Variants in GABRG3 observed in about 807,000 individuals in gnomAD.
GABRG3 encodes gamma-aminobutyric acid receptor subunit gamma-3.
Under a neutral mutation model 48.8 loss-of-function variants are expected in GABRG3, and 25 were observed. The observed-to-expected ratio is 0.51, with a 90% confidence interval of 0.37 to 0.72. The LOEUF (loss-of-function observed/expected upper bound fraction) is 0.72, where lower values mean the gene tolerates loss of function less well. Ranked by LOEUF, GABRG3 falls within the 30% of genes least tolerant of loss-of-function variation. The pLI is 0.00. For missense variants in GABRG3, 394 were observed against 577.9 expected (o/e 0.68, Z 3.26); for synonymous variants, 227 against 217.6 (o/e 1.04, Z -0.38).
At chr15:27,370,681 CA>C (rs1157505329) in intron 5 of GABRG3, among the ~76,000 whole-genome samples, 2 of 152,196 alleles carry the variant, frequency 1.3e-5, no homozygotes, top group African/African-American at 4.8e-5. Context: ...TTTTCCCCAT[CA>C]GTTACATTTC....
At chr15:27,436,794 TG>T (rs1191161307) in intron 5 of GABRG3, among the ~76,000 whole-genome samples, 1 of 151,852 alleles carries the variant, frequency 6.6e-6, no homozygotes, top group Admixed American at 6.6e-5. Context: ...GTGCAAGGGA[TG>T]GCAAGAAAAG....
At chr15:26,997,747 G>C (rs1212084669) in intron 2 of GABRG3, among the ~76,000 whole-genome samples, 1 of 152,150 alleles carries the variant, frequency 6.6e-6, no homozygotes. Context: ...GTGTGTCTTT[G>C]AGTTTGTTAT....
At chr15:27,212,261 A>G (rs1353393471) in intron 3 of GABRG3, among the ~76,000 whole-genome samples, 1 of 152,236 alleles carries the variant, frequency 6.6e-6, no homozygotes, top group African/African-American at 2.4e-5. Context: ...ACTGACAGGG[A>G]CTCAGGAATC....
intron 3 of GABRG3, among the ~76,000 whole-genome samples, chr15:27,078,466 A>T (rs771997112): frequency 1.9e-4 from 29 of 152,246 alleles, no homozygotes; most frequent in Middle Eastern, 3.4e-3. Flanking sequence ...CTATGGAAAA[A>T]TTTCTTTTTA....
intron 5 of GABRG3, among the ~76,000 whole-genome samples, chr15:27,452,861 C>CAT (rs1337919619): frequency 6.6e-6 from 1 of 152,144 alleles, no homozygotes; most frequent in Non-Finnish European, 1.5e-5. Context: ...ATTGCAGCAG[C>CAT]ATTATTCACA....
chr15:27,440,039 G>C (rs1195798364), intron 5 of GABRG3, among the ~76,000 whole-genome samples: 1 of 152,058 alleles, frequency 6.6e-6, no homozygotes, highest in African/African-American at 2.4e-5. Context: ...GTCTCCCTCT[G>C]CCCGTCCCAC....
chr15:26,982,029 C>T (rs889359049), intron 2 of GABRG3, among the ~76,000 whole-genome samples: 4 of 152,184 alleles, frequency 2.6e-5, no homozygotes, highest in African/African-American at 9.7e-5. Flanking sequence ...ACTAAAATGA[C>T]TCTTAACTTT....
chr15:27,200,701 C>T (rs1888653586), intron 3 of GABRG3, among the ~76,000 whole-genome samples: 1 of 152,114 alleles, frequency 6.6e-6, no homozygotes, highest in Non-Finnish European at 1.5e-5. Context: ...TACGGCCAGG[C>T]AGTGAAAGCA....
At chr15:27,263,951 AAAG>A (rs1483118228) in intron 3 of GABRG3, among the ~76,000 whole-genome samples, 1 of 23,072 alleles carries the variant, frequency 4.3e-5, no homozygotes, top group African/African-American at 1.4e-4. Context: ...AAAAGAAAAA[AAAG>A]AAAAGTGCTG....
intron 3 of GABRG3, among the ~76,000 whole-genome samples, chr15:27,203,522 T>A (rs1349615792): frequency 1.3e-5 from 2 of 152,214 alleles, no homozygotes; most frequent in Non-Finnish European, 2.9e-5. Flanking sequence ...TGTATCTTTA[T>A]GGTAGAATGA....
chr15:27,346,951 G>A (rs530368759), intron 5 of GABRG3, among the ~76,000 whole-genome samples: 1 of 151,826 alleles, frequency 6.6e-6, no homozygotes, highest in East Asian at 1.9e-4. Flanking sequence ...TGATTGCTGT[G>A]TCTCTTTACA....
chr15:27,191,939 A>G (rs1473390027), intron 3 of GABRG3, among the ~76,000 whole-genome samples: 1 of 151,804 alleles, frequency 6.6e-6, no homozygotes, highest in Middle Eastern at 3.2e-3. Flanking sequence ...AAAATCTCTC[A>G]GCATTTGCTT....
chr15:27,003,370 C>CCT (rs1895495155), intron 2 of GABRG3, among the ~76,000 whole-genome samples: 1 of 151,640 alleles, frequency 6.6e-6, no homozygotes, highest in Non-Finnish European at 1.5e-5. Flanking sequence ...GTCCCTGCGG[C>CCT]CTTCCGCAGT....
intron 3 of GABRG3, among the ~76,000 whole-genome samples, chr15:27,107,412 T>C (rs1412174316): frequency 6.6e-6 from 1 of 152,074 alleles, no homozygotes; most frequent in Admixed American, 6.5e-5. Context: ...CCTCCTTGCT[T>C]GTGATGACAT....
At chr15:27,410,259 G>A (rs1887755932) in intron 5 of GABRG3, among the ~76,000 whole-genome samples, 1 of 152,024 alleles carries the variant, frequency 6.6e-6, no homozygotes. Context: ...ATCCCATTTT[G>A]GGGTTGTATA....
intron 6 of GABRG3, among the ~76,000 whole-genome samples, chr15:27,510,118 T>A (rs1890861102): frequency 1.3e-5 from 2 of 152,192 alleles, no homozygotes; most frequent in Admixed American, 6.5e-5. Context: ...CTTGCACTTT[T>A]CCCAGGGAAC....
intron 2 of GABRG3, 102 bp downstream of exon 2, chr15:26,977,252 T>G: frequency 8.1e-7 from 1 of 1,240,388 alleles, no homozygotes; most frequent in South Asian, 1.4e-5. Flanking sequence ...GCAAAGATAG[T>G]GCAGAAAGGT....
intron 3 of GABRG3, among the ~76,000 whole-genome samples, chr15:27,140,229 G>T (rs1898079531): frequency 6.6e-6 from 1 of 152,180 alleles, no homozygotes; most frequent in African/African-American, 2.4e-5. Context: ...CTTGTGACTG[G>T]TGGCAAGTGC....
chr15:27,089,523 A>C (rs913449097), intron 3 of GABRG3, among the ~76,000 whole-genome samples: 1 of 152,116 alleles, frequency 6.6e-6, no homozygotes, highest in Non-Finnish European at 1.5e-5. Context: ...CCAGACTCAG[A>C]GTTGAAAGGC....
Sources: gnomAD v4.1 joint callset for allele counts (sites outside exome capture counted in the v4.1 genomes callset) on GRCh38, gnomAD v4.1.1 for gene constraint, MANE v1.5 for transcripts, NCBI Gene and HGNC (gene_info 2026-07-23, HGNC 2026-07-21) for gene names.